Variants in DSCAM observed in about 807,000 individuals in gnomAD.
DSCAM encodes the protein DS cell adhesion molecule.
A neutral mutation model predicts 217.7 loss-of-function variants in DSCAM; 47 were observed. The ratio of observed to expected loss-of-function variants is 0.22; its 90% CI spans 0.17 to 0.28. DSCAM has a LOEUF of 0.28. Ranked by LOEUF, DSCAM falls within the 10% of genes least tolerant of loss-of-function variation. The probability of loss-of-function intolerance (pLI) is 1.00; values close to 1 mark genes in which losing one functional copy is unlikely to be tolerated. For synonymous variants in DSCAM, 1,056 were observed against 1,015.3 expected (o/e 1.04, Z -0.76); for missense variants, 2,080 against 2,618.3 (o/e 0.79, Z 4.49).
intron 18 of DSCAM, among the ~76,000 whole-genome samples, chr21:40,135,596 G>A (rs199706737): frequency 1.3e-5 from 2 of 152,084 alleles, no homozygotes; most frequent in South Asian, 2.1e-4. Context: ...CAGATTAAAC[G>A]GGCTTTTGCT....
intron 3 of DSCAM, among the ~76,000 whole-genome samples, chr21:40,472,818 T>C (rs986307444): frequency 1.3e-5 from 2 of 152,090 alleles, no homozygotes; most frequent in African/African-American, 4.8e-5. Context: ...GAATAACAAT[T>C]CTCCCAATAT....
intron 3 of DSCAM, among the ~76,000 whole-genome samples, chr21:40,469,857 T>C (rs1181220071): frequency 6.6e-6 from 1 of 152,212 alleles, no homozygotes; most frequent in Non-Finnish European, 1.5e-5. Flanking sequence ...TATTTGCATG[T>C]AGTGTTTGAC....
At chr21:40,562,452 C>A (rs932012056) in intron 3 of DSCAM, among the ~76,000 whole-genome samples, 1 of 152,230 alleles carries the variant, frequency 6.6e-6, no homozygotes, top group Middle Eastern at 3.4e-3. Flanking sequence ...AGTCTCAGGC[C>A]GTTCTTCATA....
intron 27 of DSCAM, among the ~76,000 whole-genome samples, chr21:40,072,478 T>C (rs899222268): frequency 9.2e-5 from 14 of 151,858 alleles, no homozygotes; most frequent in South Asian, 8.4e-4. Flanking sequence ...TCCCAAGTAG[T>C]TGGGACTACA....
intron 11 of DSCAM, among the ~76,000 whole-genome samples, chr21:40,211,468 T>C: frequency 6.6e-6 from 1 of 152,270 alleles, no homozygotes; most frequent in Non-Finnish European, 1.5e-5. Flanking sequence ...CAAAGAGTTT[T>C]CCAGAATGTC....
intron 3 of DSCAM, among the ~76,000 whole-genome samples, chr21:40,580,620 A>G: frequency 1.3e-5 from 2 of 152,150 alleles, no homozygotes; most frequent in East Asian, 1.9e-4. Context: ...TGGAAAGTAG[A>G]AAAAAATCAA....
intron 3 of DSCAM, among the ~76,000 whole-genome samples, chr21:40,524,800 G>GGA (rs1354624043): frequency 6.6e-6 from 1 of 151,912 alleles, no homozygotes; most frequent in Non-Finnish European, 1.5e-5. Context: ...CATGAGGTCA[G>GGA]GAGTTCAAGA....
chr21:40,488,176 C>T (rs2076045908), intron 3 of DSCAM, among the ~76,000 whole-genome samples: 1 of 152,206 alleles, frequency 6.6e-6, no homozygotes, highest in Non-Finnish European at 1.5e-5. Flanking sequence ...GAGTGTGTCG[C>T]CCTCTCTGTA....
At chr21:40,509,090 T>C (rs539476321) in intron 3 of DSCAM, among the ~76,000 whole-genome samples, 1 of 152,228 alleles carries the variant, frequency 6.6e-6, no homozygotes, top group South Asian at 2.1e-4. Flanking sequence ...GTTTCCTCTT[T>C]GTACAAAATT....
At chr21:40,269,087 G>T (rs760129092) in intron 11 of DSCAM, among the ~76,000 whole-genome samples, 22 of 152,058 alleles carry the variant, frequency 1.4e-4, no homozygotes, top group Non-Finnish European at 2.5e-4. Context: ...TGGCTGAATC[G>T]CACTCCATGA....
chr21:40,728,108 C>T (rs1372838281), intron 1 of DSCAM, among the ~76,000 whole-genome samples: 3 of 152,224 alleles, frequency 2.0e-5, no homozygotes, highest in Non-Finnish European at 4.4e-5. Flanking sequence ...CTCCGACCCA[C>T]GCCTGCACTT....
chr21:40,783,088 T>A (rs1234071386), intron 1 of DSCAM, among the ~76,000 whole-genome samples: 1 of 152,214 alleles, frequency 6.6e-6, no homozygotes, highest in Non-Finnish European at 1.5e-5. Context: ...CCAAATTCTT[T>A]ACAGAAAAGA....
At chr21:40,731,467 A>G (rs2091009958) in intron 1 of DSCAM, among the ~76,000 whole-genome samples, 1 of 152,164 alleles carries the variant, frequency 6.6e-6, no homozygotes, top group African/African-American at 2.4e-5. Flanking sequence ...GTAACAAAAT[A>G]CCATAAGCCA....
intron 27 of DSCAM, among the ~76,000 whole-genome samples, 155 bp downstream of exon 27, chr21:40,074,882 G>A (rs1046478315): frequency 7.9e-5 from 12 of 152,294 alleles, no homozygotes; most frequent in East Asian, 3.9e-4. Flanking sequence ...CTGCAGTCTC[G>A]CTGAAGGAAT....
In DSCAM at chr21:40,046,202, C is replaced by T. The variant is rs1268635482; in HGVS notation, c.5186-1927G>A. Among the ~76,000 whole-genome samples the T allele has an allele frequency of 2.6e-5, 4 of 152,142 alleles. 1 individual carries two copies. In the South Asian group the frequency reaches 6.2e-4, roughly 24 times the overall value. ...AAGGTGCAATGACTTTGTTTTTAAACGGGAGATTTCCTCACTGCAAGTTTC... is the reference window on the plus strand; with the variant it reads ...AAGGTGCAATGACTTTGTTTTTAAATGGGAGATTTCCTCACTGCAAGTTTC... On this transcript the variant is annotated intron_variant, in intron 30 of 32. Coordinates refer to ENST00000400454, the MANE Select transcript of DSCAM (RefSeq NM_001389.5).
rs555225282 is a variant in DSCAM at position 40,690,873 on chromosome 21, C to G, written c.508+1937G>C. The stretch of plus-strand genomic sequence containing the variant: ...ACATGTTCTCACTTGTAAGTGGGAG[C>G]TGAATGATGAGAACACAGGGACACA... On this transcript the variant is annotated intron_variant, in intron 3 of 32. Coordinates refer to ENST00000400454, the MANE Select transcript of DSCAM (RefSeq NM_001389.5). Among the ~76,000 whole-genome samples, 7 of 152,216 alleles carry G rather than the reference C, an allele frequency of 4.6e-5. No individual in the cohort carries two copies. In the South Asian group the frequency reaches 8.3e-4, roughly 18 times the overall value.
At chr21:40,613,442 C>A (rs1368176357) in intron 3 of DSCAM, among the ~76,000 whole-genome samples, 3 of 152,050 alleles carry the variant, frequency 2.0e-5, no homozygotes. Context: ...GTTTTATATT[C>A]CTAATTCTTA....
At chr21:40,660,412 TAAC>T (rs2090126454) in intron 3 of DSCAM, among the ~76,000 whole-genome samples, 1 of 152,176 alleles carries the variant, frequency 6.6e-6, no homozygotes. Context: ...ATTTATATTG[TAAC>T]AACAACAATA....
intron 1 of DSCAM, among the ~76,000 whole-genome samples, chr21:40,717,649 A>T (rs2090856669): frequency 6.6e-6 from 1 of 152,218 alleles, no homozygotes; most frequent in African/African-American, 2.4e-5. Context: ...TGGCTTACTT[A>T]TGGTTAGGAC....
Sources: allele counts gnomAD v4.1 joint callset (sites outside exome capture counted in the v4.1 genomes callset), GRCh38; gene constraint gnomAD v4.1.1; transcripts MANE v1.5; gene names NCBI Gene and HGNC (gene_info 2026-07-23, HGNC 2026-07-21).